The following RALA variants were observed in gnomAD, a reference collection of about 807,000 sequenced individuals.
RALA encodes the protein RAS like proto-oncogene A.
Under a neutral mutation model 24.0 loss-of-function variants are expected in RALA, and 5 were observed. The observed-to-expected ratio is 0.21, with a 90% confidence interval of 0.11 to 0.44. The LOEUF (loss-of-function observed/expected upper bound fraction) is 0.44, where lower values mean the gene tolerates loss of function less well. Ranked by LOEUF, RALA falls within the 20% of genes least tolerant of loss-of-function variation. RALA has a pLI of 0.99. For synonymous variants in RALA, 77 were observed against 83.8 expected (o/e 0.92, Z 0.44); for missense variants, 95 against 241.2 (o/e 0.39, Z 4.01).
At chr7:39,693,128 C>A (rs1251577964) in intron 3 of RALA, among the ~76,000 whole-genome samples, 1 of 152,268 alleles carries the variant, frequency 6.6e-6, no homozygotes. Flanking sequence ...TGTATGTTTA[C>A]TGCGGCACTA....
At chr7:39,693,033 A>G (rs1225708809) in intron 3 of RALA, among the ~76,000 whole-genome samples, 2 of 152,236 alleles carry the variant, frequency 1.3e-5, no homozygotes, top group Admixed American at 6.5e-5. Context: ...GATCTAGAAT[A>G]GAAATACCAT....
At chr7:39,632,466 G>T in intron 1 of RALA, among the ~76,000 whole-genome samples, 1 of 152,100 alleles carries the variant, frequency 6.6e-6, no homozygotes. Flanking sequence ...TAATAGTTTG[G>T]CTATGTATAT....
At position 39,686,727 on chromosome 7, in the gene RALA, G is replaced by A. The variant is rs1168927459; in HGVS notation, c.60G>A (p.Val20=). The change falls in exon 2 of 5, where the codon GTG becomes GTA. Residue 20 remains valine (V), a synonymous_variant. Transcript: ENST00000005257. ...TGGCTTTACACAAAGTCATCATGGT[G>A]GGCAGTGGTGGCGTGGGCAAGTCAG... ...NSLALHKVIM[V]GSGGVGKSAL... The A allele has an allele frequency of 1.2e-6, 2 of 1,614,098 alleles. No individual in the cohort carries two copies. Among genetic ancestry groups the A allele is most frequent in the Non-Finnish European group, 1.7e-6 (2 of 1,180,000 alleles).
chr7:39,688,159 T>G (rs1009373606), intron 2 of RALA, among the ~76,000 whole-genome samples: 4 of 152,186 alleles, frequency 2.6e-5, no homozygotes, highest in African/African-American at 4.8e-5. Context: ...TTAAAAAGTT[T>G]AGGGAAGGCG....
chr7:39,670,772 A>T (rs1397419896), intron 1 of RALA, among the ~76,000 whole-genome samples: 1 of 152,208 alleles, frequency 6.6e-6, no homozygotes, highest in African/African-American at 2.4e-5. Context: ...TGCTGAAAAC[A>T]TTCAGGTCAT....
At chr7:39,657,110 G>A (rs1472690829) in intron 1 of RALA, among the ~76,000 whole-genome samples, 4 of 152,108 alleles carry the variant, frequency 2.6e-5, no homozygotes, top group Non-Finnish European at 4.4e-5. Flanking sequence ...GGGATTACAG[G>A]CACCTGCCAT....
chr7:39,700,676 G>C (rs1793011661), intron 4 of RALA: 2 of 152,246 alleles, frequency 1.3e-5, no homozygotes. Context: ...TTGATGAAAA[G>C]TGGCAGGATT....
chr7:39,660,524 C>T (rs910689158), intron 1 of RALA, among the ~76,000 whole-genome samples: 5 of 152,010 alleles, frequency 3.3e-5, no homozygotes, highest in Admixed American at 3.3e-4. Context: ...TTTGCCTTCT[C>T]TGCATAACTT....
At position 39,660,100 on chromosome 7, in the gene RALA, C is replaced by T. The variant is rs549099403; in HGVS notation, c.-37-26531C>T. ...GTGGCTCACGACTGTAATCCCAGCA[C>T]TTTGGGAGGCCCAGGCAGGCAGATC... is the stretch of plus-strand genomic sequence containing the variant. On this transcript the variant is annotated intron_variant, in intron 1 of 4. Coordinates refer to ENST00000005257, the MANE Select transcript of RALA (RefSeq NM_005402.4). Among the ~76,000 whole-genome samples the T allele has an allele frequency of 1.1e-3, 163 of 152,116 alleles. 1 individual carries two copies. Among genetic ancestry groups the T allele is most frequent in the African/African-American group, 3.9e-3 (160 of 41,488 alleles).
At chr7:39,684,839 A>T (rs1266704746) in intron 1 of RALA, among the ~76,000 whole-genome samples, 1 of 152,190 alleles carries the variant, frequency 6.6e-6, no homozygotes, top group Non-Finnish European at 1.5e-5. Flanking sequence ...GGCTTAAAGC[A>T]TTTCTCAGGG....
At chr7:39,643,664 C>T (rs1009451658) in intron 1 of RALA, among the ~76,000 whole-genome samples, 8 of 140,006 alleles carry the variant, frequency 5.7e-5, no homozygotes, top group African/African-American at 1.0e-4. Flanking sequence ...GAGACCAGCC[C>T]GGCCTACATA....
rs144030652 is a variant in RALA, at chr7:39,672,562, G to C, written c.-37-14069G>C. 4.0e-3 allele frequency among the ~76,000 whole-genome samples: 603 copies of C among 149,968 alleles called. 10 individuals are homozygous for C. Among genetic ancestry groups the C allele is most frequent in the Admixed American group, 0.03 (450 of 14,924 alleles). On this transcript the variant is annotated intron_variant, in intron 1 of 4. Coordinates refer to ENST00000005257, the MANE Select transcript of RALA (RefSeq NM_005402.4). ...AACATGTGTAGACCTGTACACAAAA[G>C]TTTATGACAGCTTTACTTATAAAAT...
intron 1 of RALA, among the ~76,000 whole-genome samples, chr7:39,634,486 GC>G (rs991267649): frequency 6.6e-6 from 1 of 152,054 alleles, no homozygotes; most frequent in African/African-American, 2.4e-5. Context: ...TCCTCTGCCT[GC>G]CCCCACCATT....
intron 4 of RALA, among the ~76,000 whole-genome samples, chr7:39,702,424 G>T (rs540174117): frequency 1.1e-4 from 17 of 152,130 alleles, no homozygotes; most frequent in Non-Finnish European, 2.5e-4. Context: ...TATTTCTGTG[G>T]TGCGCTTTTT....
At chr7:39,670,124 T>C (rs1027058719) in intron 1 of RALA, among the ~76,000 whole-genome samples, 4 of 152,158 alleles carry the variant, frequency 2.6e-5, no homozygotes, top group African/African-American at 7.2e-5. Context: ...AAAGATTAGA[T>C]CTATTAAACA....
intron 1 of RALA, chr7:39,624,096 T>C (rs1290496842): frequency 1.3e-5 from 2 of 151,858 alleles, no homozygotes; most frequent in African/African-American, 4.8e-5. Flanking sequence ...GTTGGCCTCG[T>C]CCGAAGGTCA....
intron 1 of RALA, among the ~76,000 whole-genome samples, chr7:39,652,904 T>A (rs1792041688): frequency 6.6e-6 from 1 of 152,068 alleles, no homozygotes; most frequent in African/African-American, 2.4e-5. Context: ...TAGCTGGGAT[T>A]ACAGGCATGC....
At chr7:39,683,308 T>C (rs1280138174) in intron 1 of RALA, among the ~76,000 whole-genome samples, 1 of 152,168 alleles carries the variant, frequency 6.6e-6, no homozygotes, top group Non-Finnish European at 1.5e-5. Context: ...TTCTAAGTTC[T>C]TTGTACTTGT....
intron 4 of RALA, among the ~76,000 whole-genome samples, chr7:39,705,352 C>A (rs963373003): frequency 2.6e-5 from 4 of 152,058 alleles, no homozygotes; most frequent in African/African-American, 7.2e-5. Flanking sequence ...TTTTTTAAAT[C>A]CAGAATTCAA....
Sources: allele counts gnomAD v4.1 joint callset (sites outside exome capture counted in the v4.1 genomes callset), GRCh38; gene constraint gnomAD v4.1.1; transcripts MANE v1.5; gene names NCBI Gene and HGNC (gene_info 2026-07-23, HGNC 2026-07-21).